LRIG1: variants seen among roughly 807,000 people sequenced by gnomAD.
LRIG1 encodes leucine rich repeats and immunoglobulin like domains 1, also known as leucine-rich repeats and immunoglobulin-like domains protein 1.
Under a neutral mutation model 99.2 loss-of-function variants are expected in LRIG1, and 48 were observed. The ratio of observed to expected loss-of-function variants is 0.48; its 90% CI spans 0.38 to 0.62. LRIG1 has a LOEUF of 0.62. LRIG1 is among the 20% of genes least tolerant of loss of function. The pLI, the probability that LRIG1 is intolerant of heterozygous loss-of-function variation, is 0.00. For missense variants in LRIG1, 1,646 were observed against 1,434.4 expected (o/e 1.15, Z -2.38); for synonymous variants, 772 against 596.1 (o/e 1.29, Z -4.30).
intron 1 of LRIG1, among the ~76,000 whole-genome samples, chr3:66,499,192 C>G (rs1291450069): frequency 2.4e-5 from 1 of 41,434 alleles, no homozygotes; most frequent in African/African-American, 5.4e-5. Flanking sequence ...CTATTCTATT[C>G]TACCATGTTT....
rs765141166 is a variant in LRIG1, at chr3:66,383,053, G to A, written c.2420C>T (p.Thr807Met). 9 of 1,614,106 alleles carry A rather than the reference G, an allele frequency of 5.6e-6. No individual in the cohort carries two copies. Among genetic ancestry groups the A allele is most frequent in the Middle Eastern group, 1.6e-4 (1 of 6,084 alleles). The stretch of plus-strand genomic sequence containing the variant: ...GATGATGCACACCCAGACCAGTGAC[G>A]TCAGGACGATGCTGCTCACGACAGC... Reference protein sequence around the residue: ...TIAVVSSIVLTSLVWVCIIYQ... With the variant: ...TIAVVSSIVLMSLVWVCIIYQ... The change falls in exon 15 of 19, where the codon ACG becomes ATG. Residue 807 changes from threonine (T) to methionine (M), a missense_variant. By Grantham distance (81) the Thr-to-Met change is moderately conservative. Coordinates refer to ENST00000273261, the MANE Select transcript of LRIG1 (RefSeq NM_015541.3).
intron 1 of LRIG1, among the ~76,000 whole-genome samples, chr3:66,484,348 T>G (rs2106905054): frequency 6.6e-6 from 1 of 152,268 alleles, no homozygotes; most frequent in African/African-American, 2.4e-5. Flanking sequence ...AATGGTGGAT[T>G]GGAAACAAAG....
chr3:66,381,404 C>T (rs1701054569), intron 17 of LRIG1, 75 bp downstream of exon 17: 3 of 1,461,626 alleles, frequency 2.1e-6, no homozygotes, highest in Non-Finnish European at 2.8e-6. Flanking sequence ...GTGTCTCCCC[C>T]TTTGATGTAG....
chr3:66,442,360 G>A (rs981764853), intron 3 of LRIG1, among the ~76,000 whole-genome samples: 6 of 152,184 alleles, frequency 3.9e-5, no homozygotes, highest in African/African-American at 7.2e-5. Flanking sequence ...TCAAAGTCAA[G>A]CCAGCCATTT....
At chr3:66,466,065 T>A (rs1700466244) in intron 1 of LRIG1, among the ~76,000 whole-genome samples, 1 of 152,186 alleles carries the variant, frequency 6.6e-6, no homozygotes, top group South Asian at 2.1e-4. Flanking sequence ...AGGGTCTCAC[T>A]CTGTCACCCA....
intron 1 of LRIG1, among the ~76,000 whole-genome samples, chr3:66,477,858 T>TCAA (rs750961547): frequency 0.83 from 125,444 of 151,910 alleles, 54,686 homozygotes; most frequent in Non-Finnish European, 0.97. Context: ...AGTGATGCAC[T>TCAA]ACAGGATAGG....
At chr3:66,466,950 T>C (rs1490154021) in intron 1 of LRIG1, among the ~76,000 whole-genome samples, 4 of 152,336 alleles carry the variant, frequency 2.6e-5, no homozygotes, top group East Asian at 1.9e-4. Flanking sequence ...TAACACAAAT[T>C]TTCCCTGCTC....
chr3:66,404,133 A>C, intron 9 of LRIG1: 1 of 662,806 alleles, frequency 1.5e-6, no homozygotes, highest in Non-Finnish European at 2.4e-6. Flanking sequence ...GACAGCCAAC[A>C]GAGCTTATTC....
chr3:66,413,578 T>A (rs1362910554), intron 5 of LRIG1, among the ~76,000 whole-genome samples: 1 of 152,222 alleles, frequency 6.6e-6, no homozygotes, highest in Admixed American at 6.5e-5. Flanking sequence ...ACAAGTCATA[T>A]ACACTTGGCT....
intron 1 of LRIG1, among the ~76,000 whole-genome samples, chr3:66,484,896 T>C (rs1235070035): frequency 6.6e-6 from 1 of 152,172 alleles, no homozygotes; most frequent in African/African-American, 2.4e-5. Flanking sequence ...GGCTCACACC[T>C]GTAATCCCAG....
At chr3:66,478,135 C>T (rs141891599) in intron 1 of LRIG1, among the ~76,000 whole-genome samples, 6 of 152,300 alleles carry the variant, frequency 3.9e-5, no homozygotes, top group South Asian at 2.1e-4. Flanking sequence ...GTTTATTTGC[C>T]GCCTTTGAAA....
intron 3 of LRIG1, among the ~76,000 whole-genome samples, chr3:66,419,009 A>G (rs963006875): frequency 6.6e-6 from 1 of 152,186 alleles, no homozygotes; most frequent in Non-Finnish European, 1.5e-5. Context: ...AAAGGAAAAA[A>G]GAAAAGAAAA....
At chr3:66,403,616 A>G (rs1702145622) in intron 9 of LRIG1, among the ~76,000 whole-genome samples, 1 of 152,190 alleles carries the variant, frequency 6.6e-6, no homozygotes, top group African/African-American at 2.4e-5. Context: ...GCACCAGGGC[A>G]CAGAGGGCGG....
rs1164755887 is a variant in LRIG1 at position 66,378,800 on chromosome 3, C to G, written c.*1463G>C. On this transcript the variant is annotated 3_prime_UTR_variant, in exon 19 of 19. Transcript: ENST00000273261. ...AAAGAAGGACCACCAACTATACTGA[C>G]ATTTATAAATGAACCTTTATTAAAG... 1 of 152,550 alleles carries G rather than the reference C, an allele frequency of 6.6e-6. No individual in the cohort carries two copies. The highest frequency in any genetic ancestry group is 1.9e-4 in the East Asian group (1 of 5,194). The allele number at this position is 152,550 out of a possible 1,614,324, so 9.4% of individuals were successfully genotyped here. A position where few individuals can be genotyped will look rare whatever the true frequency, so the allele number is the denominator to read the frequency against.
chr3:66,437,290 A>G (rs933000644), intron 3 of LRIG1, among the ~76,000 whole-genome samples: 7 of 152,230 alleles, frequency 4.6e-5, no homozygotes, highest in Non-Finnish European at 1.0e-4. Flanking sequence ...AGGTAAGAGC[A>G]ATTTCTCATC....
rs573168060 is a variant in LRIG1 at position 66,379,881 on chromosome 3, A to T, written c.*382T>A. 1 of 172,922 alleles carries T rather than the reference A, an allele frequency of 5.8e-6. No homozygotes were observed. The highest frequency in any genetic ancestry group is 5.7e-5 in the Admixed American group (1 of 17,638). 10.7% of individuals were successfully genotyped at this position (172,922 alleles called of 1,614,324 possible). A position where few individuals can be genotyped will look rare whatever the true frequency, so the allele number is the denominator to read the frequency against. On this transcript the variant is annotated 3_prime_UTR_variant, in exon 19 of 19. Transcript: ENST00000273261. The stretch of plus-strand genomic sequence containing the variant: ...GTTGTAGCCTCTATAAATTCCAGCC[A>T]TGCGTTAAGGCACCAGAACTATTTC...
chr3:66,380,912 G>A (rs148647562), intron 17 of LRIG1, 51 bp from the exon 18 acceptor site: 131 of 1,578,714 alleles, frequency 8.3e-5, no homozygotes, highest in African/African-American at 1.2e-4. Context: ...GGGAGTCTTC[G>A]TCCCCACACA....
intron 7 of LRIG1, among the ~76,000 whole-genome samples, chr3:66,409,246 C>T (rs1702386570): frequency 6.6e-6 from 1 of 152,040 alleles, no homozygotes; most frequent in Admixed American, 6.5e-5. Flanking sequence ...AATAAAGAAA[C>T]ACAGTAGACT....
chr3:66,466,781 T>G (rs1480781507), intron 1 of LRIG1, among the ~76,000 whole-genome samples: 1 of 152,226 alleles, frequency 6.6e-6, no homozygotes, highest in Non-Finnish European at 1.5e-5. Flanking sequence ...AGTTGAAGGT[T>G]TCAAATTCTC....
Sources: allele counts gnomAD v4.1 joint callset (sites outside exome capture counted in the v4.1 genomes callset), GRCh38; gene constraint gnomAD v4.1.1; transcripts MANE v1.5; gene names NCBI Gene and HGNC (gene_info 2026-07-23, HGNC 2026-07-21).